GARRE1: variants seen among roughly 807,000 people sequenced by gnomAD.
GARRE1 encodes the protein granule associated Rac and RHOG effector protein 1.
A neutral mutation model predicts 103.2 loss-of-function variants in GARRE1; 49 were observed. The observed-to-expected ratio is 0.47, with a 90% CI of 0.38 to 0.60. GARRE1 has a LOEUF of 0.60. Ranked by LOEUF, GARRE1 falls within the 20% of genes least tolerant of loss-of-function variation. The pLI, the probability that GARRE1 is intolerant of heterozygous loss-of-function variation, is 0.00. For missense variants in GARRE1, 1,199 were observed against 1,370.5 expected, an observed-to-expected ratio of 0.87 and a Z score of 1.98; for synonymous variants, 505 against 532.8, an observed-to-expected ratio of 0.95 and a Z score of 0.72.
intron 1 of GARRE1, among the ~76,000 whole-genome samples, chr19:34,291,863 T>G (rs951689363): frequency 2.0e-5 from 3 of 147,482 alleles, no homozygotes; most frequent in Non-Finnish European, 4.5e-5. Context: ...TAAATCTACT[T>G]TTTTTTTTTT....
chr19:34,329,926 A>C (rs1028432604), intron 6 of GARRE1, among the ~76,000 whole-genome samples: 1 of 152,122 alleles, frequency 6.6e-6, no homozygotes, highest in African/African-American at 2.4e-5. Context: ...AAAAATTTAA[A>C]AATTAGCTGA....
chr19:34,283,106 C>T (rs2073864845), intron 1 of GARRE1, among the ~76,000 whole-genome samples: 1 of 152,204 alleles, frequency 6.6e-6, no homozygotes, highest in African/African-American at 2.4e-5. Flanking sequence ...CTCCTTTTGT[C>T]ATCCCATTTC....
chr19:34,257,450 G>T (rs923295527), intron 1 of GARRE1, among the ~76,000 whole-genome samples: 4 of 151,956 alleles, frequency 2.6e-5, no homozygotes, highest in African/African-American at 4.8e-5. Flanking sequence ...CAATTCTTCT[G>T]CCTCAGCCTC....
chr19:34,276,726 C>T (rs2073819233), intron 1 of GARRE1, among the ~76,000 whole-genome samples: 1 of 152,192 alleles, frequency 6.6e-6, no homozygotes, highest in Non-Finnish European at 1.5e-5. Flanking sequence ...AGTCACCTTT[C>T]AGGTGGAGAA....
chr19:34,308,539 A>C (rs1208891761), intron 2 of GARRE1, among the ~76,000 whole-genome samples: 1 of 152,172 alleles, frequency 6.6e-6, no homozygotes, highest in African/African-American at 2.4e-5. Context: ...GTACTTAATT[A>C]AGCAGCTGGA....
intron 1 of GARRE1, among the ~76,000 whole-genome samples, chr19:34,299,423 G>A (rs1210529965): frequency 6.6e-6 from 1 of 152,106 alleles, no homozygotes; most frequent in South Asian, 2.1e-4. Context: ...CCTGTTCAAC[G>A]TGCCAGCCTC....
intron 1 of GARRE1, among the ~76,000 whole-genome samples, chr19:34,261,990 GC>G (rs1010102589): frequency 7.9e-5 from 12 of 151,930 alleles, no homozygotes; most frequent in African/African-American, 2.4e-4. Context: ...AGGTCTCCCT[GC>G]CTTTTTTTTT....
At chr19:34,304,096 AT>A (rs59980177) in intron 2 of GARRE1, among the ~76,000 whole-genome samples, 98,989 of 147,846 alleles carry the variant, frequency 0.67, 33,554 homozygotes, top group Middle Eastern at 0.76. Flanking sequence ...TATCTTTGTA[AT>A]TTTTTTTTTT....
intron 10 of GARRE1, 54 bp from the exon 11 acceptor site, chr19:34,347,823 G>C: frequency 6.9e-7 from 1 of 1,441,178 alleles, no homozygotes; most frequent in Non-Finnish European, 9.3e-7. Flanking sequence ...CGTAGGGAAG[G>C]ACCAAGAGGC....
At chr19:34,341,387 C>CT (rs76355025) in intron 9 of GARRE1, 35 bp from the exon 10 acceptor site, 29,254 of 1,022,184 alleles carry the variant, frequency 0.029, no homozygotes, top group Non-Finnish European at 0.034. Context: ...ATATATTTGT[C>CT]TTTTTTTTTT....
chr19:34,302,516 A>G (rs985116454), intron 2 of GARRE1, among the ~76,000 whole-genome samples: 5 of 150,264 alleles, frequency 3.3e-5, no homozygotes, highest in Non-Finnish European at 7.4e-5. Flanking sequence ...CCGGTCTCGA[A>G]CTCCTAACCT....
intron 1 of GARRE1, among the ~76,000 whole-genome samples, chr19:34,274,401 G>A (rs118087636): frequency 0.015 from 2,226 of 151,998 alleles, 25 homozygotes; most frequent in South Asian, 0.026. Context: ...GCGAAACTCC[G>A]TCTCAAGAAG....
chr19:34,347,434 C>T (rs1000286084), intron 10 of GARRE1, among the ~76,000 whole-genome samples: 5 of 152,114 alleles, frequency 3.3e-5, no homozygotes, highest in Non-Finnish European at 5.9e-5. Context: ...GCCGTGTTGG[C>T]CAGGCTAGTC....
chr19:34,266,200 C>G (rs2073750408), intron 1 of GARRE1, among the ~76,000 whole-genome samples: 1 of 152,202 alleles, frequency 6.6e-6, no homozygotes, highest in Non-Finnish European at 1.5e-5. Context: ...AGTGGCAGAG[C>G]CAGAAGCCAG....
chr19:34,348,995 G>C, intron 11 of GARRE1, 21 bp from the exon 12 acceptor site: 1 of 1,607,790 alleles, frequency 6.2e-7, no homozygotes, highest in Non-Finnish European at 8.5e-7. Flanking sequence ...CCCTGGCCCA[G>C]CTTCTCTCTC....
chr19:34,255,585 A>G (rs1470400751), intron 1 of GARRE1, among the ~76,000 whole-genome samples: 2 of 152,058 alleles, frequency 1.3e-5, no homozygotes, highest in African/African-American at 4.8e-5. Flanking sequence ...ACTTTACAGT[A>G]TGTGATTTAA....
chr19:34,267,077 A>G (rs1384730600), intron 1 of GARRE1, among the ~76,000 whole-genome samples: 1 of 152,192 alleles, frequency 6.6e-6, no homozygotes, highest in Non-Finnish European at 1.5e-5. Context: ...CAACCTGAAC[A>G]TCACAGCGAA....
chr19:34,352,973 TG>T lies in GARRE1; in HGVS notation c.*19del. 1 of 576,238 alleles carries T rather than the reference TG, an allele frequency of 1.7e-6. No homozygotes were observed. The highest frequency in any genetic ancestry group is 2.0e-6 in the Non-Finnish European group (1 of 491,628). 35.7% of individuals were successfully genotyped at this position (576,238 alleles called of 1,614,324 possible). A position where few individuals can be genotyped will look rare whatever the true frequency, so the allele number is the denominator to read the frequency against. On this transcript the variant is annotated 3_prime_UTR_variant, in exon 14 of 14. Coordinates refer to ENST00000299505, the MANE Select transcript of GARRE1 (RefSeq NM_014686.5). Reference sequence around the variant, plus strand: ...AGTACTGACCCCAGGCCAGCCAGCCTGCCTGCCTGCCTGCCTGCCCGCCCAG... The same window carrying T: ...AGTACTGACCCCAGGCCAGCCAGCCTCCTGCCTGCCTGCCTGCCCGCCCAG...
chr19:34,341,873 C>T lies in GARRE1; in HGVS notation c.1939C>T (p.Gln647Ter). Residue 647 changes from glutamine (Q) to a stop codon, truncating the protein, a stop_gained, in exon 10 of 14, where the codon CAA (glutamine) becomes TAA (stop). Transcript: ENST00000299505. LOFTEE classifies it high-confidence loss of function. ...GAACTTACCAACTGATCAGGAAATGCAAGAGGTGATAGATTTTCTCTCGGG... is the reference window on the plus strand; with the variant it reads ...GAACTTACCAACTGATCAGGAAATGTAAGAGGTGATAGATTTTCTCTCGGG... ...GMNLPTDQEM[Q>*]EVIDFLSGFN... 1 of 1,614,118 alleles carries T rather than the reference C, an allele frequency of 6.2e-7. No individual in the cohort carries two copies. The highest frequency in any genetic ancestry group is 8.5e-7 in the Non-Finnish European group (1 of 1,180,038).
Sources: gnomAD v4.1 joint callset for allele counts (sites outside exome capture counted in the v4.1 genomes callset) on GRCh38, gnomAD v4.1.1 for gene constraint, MANE v1.5 for transcripts, NCBI Gene and HGNC (gene_info 2026-07-23, HGNC 2026-07-21) for gene names.